PREX2: variants seen among roughly 807,000 people sequenced by gnomAD.
PREX2 encodes phosphatidylinositol-3,4,5-trisphosphate dependent Rac exchange factor 2.
PREX2 carries 107 observed loss-of-function variants against 203.2 expected under a neutral mutation model. That is an observed-to-expected ratio of 0.53 (90% CI 0.45 to 0.62). The LOEUF is 0.62. Among genes scored for constraint, PREX2 ranks in the 20% least tolerant of loss-of-function variants. The pLI, the probability that PREX2 is intolerant of heterozygous loss-of-function variation, is 0.00. For synonymous variants in PREX2, 672 were observed against 663.6 expected, an observed-to-expected ratio of 1.01 and a Z score of -0.19; for missense variants, 1,777 against 1,955.9, an observed-to-expected ratio of 0.91 and a Z score of 1.72.
intron 31 of PREX2, among the ~76,000 whole-genome samples, chr8:68,132,728 T>C (rs189007465): frequency 6.6e-6 from 1 of 152,216 alleles, no homozygotes; most frequent in Non-Finnish European, 1.5e-5. Context: ...TGCTTCTTTA[T>C]TCCAGAAGAG....
At chr8:68,185,838 A>T (rs1403397102) in intron 35 of PREX2, among the ~76,000 whole-genome samples, 1 of 148,562 alleles carries the variant, frequency 6.7e-6, no homozygotes, top group African/African-American at 2.5e-5. Context: ...TCTGCAGCCC[A>T]TATAAAATAG....
intron 39 of PREX2, among the ~76,000 whole-genome samples, chr8:68,228,084 T>A (rs1813087781): frequency 6.6e-6 from 1 of 152,196 alleles, no homozygotes. Flanking sequence ...AGAATGGGTA[T>A]GTGAGGAGGG....
chr8:68,177,730 A>C (rs1812008698), intron 35 of PREX2, among the ~76,000 whole-genome samples: 1 of 152,174 alleles, frequency 6.6e-6, no homozygotes, highest in Non-Finnish European at 1.5e-5. Context: ...AGATCATCCC[A>C]TCACCTAGGT....
At chr8:67,976,613 CAGAGACAGAGAGAGAGAGACGGGAG>C (rs1806107009) in intron 1 of PREX2, among the ~76,000 whole-genome samples, 10 of 76,028 alleles carry the variant, frequency 1.3e-4, no homozygotes, top group Admixed American at 1.1e-3. Flanking sequence ...GAGAGAGAGA[CAGAGACAGAGAGAGAGAGACGGGAG>C]AGAGACAGAG....
At chr8:68,082,981 G>C in intron 17 of PREX2, 1 of 330,000 alleles carries the variant, frequency 3.0e-6, no homozygotes, top group South Asian at 8.0e-5. Context: ...TAACAGAAGA[G>C]GGGAGTAGGA....
At position 68,053,263 on chromosome 8, in the gene PREX2, G is replaced by A. The variant is rs201352176; in HGVS notation, c.1093+17G>A. ...GGCGGAAAGGTGGGTGTATGAATTGGGCGCTGTTACACTTTGTGAAGACTC... is the reference window on the plus strand; with the variant it reads ...GGCGGAAAGGTGGGTGTATGAATTGAGCGCTGTTACACTTTGTGAAGACTC... On this transcript the variant is annotated intron_variant, in intron 9 of 39. Coordinates refer to ENST00000288368, the MANE Select transcript of PREX2 (RefSeq NM_024870.4). The A allele has an allele frequency of 6.2e-6, 10 of 1,612,584 alleles. No homozygotes were observed. The highest frequency in any genetic ancestry group is 8.5e-6 in the Non-Finnish European group (10 of 1,179,018).
chr8:68,171,589 A>G (rs1394686819), intron 35 of PREX2, among the ~76,000 whole-genome samples: 2 of 152,186 alleles, frequency 1.3e-5, no homozygotes, highest in Admixed American at 1.3e-4. Context: ...ACAGCATGAG[A>G]AAGTGAAGGG....
intron 13 of PREX2, 29 bp downstream of exon 13, chr8:68,069,913 C>A: frequency 7.6e-7 from 1 of 1,320,774 alleles, no homozygotes; most frequent in Non-Finnish European, 1.1e-6. Context: ...TTCTGGGAAA[C>A]TTAAATGGAA....
chr8:68,018,399 A>G (rs112693164), intron 2 of PREX2, among the ~76,000 whole-genome samples: 1,841 of 152,202 alleles, frequency 0.012, 27 homozygotes, highest in African/African-American at 0.037. Flanking sequence ...CCCAGGAAGC[A>G]GAGGTGTTGG....
intron 1 of PREX2, among the ~76,000 whole-genome samples, chr8:67,963,347 T>C (rs551590006): frequency 1.3e-5 from 2 of 152,318 alleles, no homozygotes; most frequent in East Asian, 1.9e-4. Context: ...ATATCTTTAT[T>C]ATTTCTTATT....
intron 1 of PREX2, among the ~76,000 whole-genome samples, chr8:68,005,089 G>C (rs1254111865): frequency 6.6e-6 from 1 of 152,142 alleles, no homozygotes; most frequent in Non-Finnish European, 1.5e-5. Context: ...GTATTGCTTT[G>C]ATAAGGTCCT....
intron 32 of PREX2, among the ~76,000 whole-genome samples, chr8:68,134,994 C>T (rs897680454): frequency 1.3e-5 from 2 of 152,024 alleles, no homozygotes; most frequent in Non-Finnish European, 1.5e-5. Flanking sequence ...GTTAGGTGAT[C>T]ACTGAATAGA....
At chr8:68,088,564 A>C (rs1385481695) in intron 19 of PREX2, among the ~76,000 whole-genome samples, 1 of 152,268 alleles carries the variant, frequency 6.6e-6, no homozygotes, top group East Asian at 1.9e-4. Context: ...AAATTTTAAG[A>C]GGGCATTTTT....
In PREX2 at chr8:68,222,457, T is replaced by G. The variant is rs1289575347; in HGVS notation, c.4708-2102T>G. ...AGCAAAAAAAAAAAAAAAATGTATATAAGTATTAGATTATAGCTCATGGAA... is the reference window on the plus strand; with the variant it reads ...AGCAAAAAAAAAAAAAAAATGTATAGAAGTATTAGATTATAGCTCATGGAA... On this transcript the variant is annotated intron_variant, in intron 38 of 39. Transcript: ENST00000288368. 2.7e-5 allele frequency among the ~76,000 whole-genome samples: 4 copies of G among 150,562 alleles called. No individual in the cohort carries two copies. In the South Asian group the frequency reaches 6.3e-4, roughly 24 times the overall value.
chr8:68,173,697 C>T (rs1811923911), intron 35 of PREX2, among the ~76,000 whole-genome samples: 1 of 151,890 alleles, frequency 6.6e-6, no homozygotes, highest in Non-Finnish European at 1.5e-5. Context: ...TGTGATAAGT[C>T]CTTCGTTGTG....
In PREX2 at chr8:68,060,739, C is replaced by T. The variant is rs1563523808; in HGVS notation, c.1299C>T (p.His433=). 1.9e-6 allele frequency: 3 copies of T among 1,612,738 alleles called. No individual in the cohort carries two copies. The highest frequency in any genetic ancestry group is 2.5e-6 in the Non-Finnish European group (3 of 1,179,372). Residue 433 remains histidine, a synonymous_variant, in exon 11 of 40, where the codon CAC becomes CAT. Transcript: ENST00000288368. ...GEIHRPEEGV[H]LGQALLENGI... ...TTCACAGGCCTGAGGAAGGCGTGCACTTGGGACAAGCATTATTAGAAAATG... is the reference window on the plus strand; with the variant it reads ...TTCACAGGCCTGAGGAAGGCGTGCATTTGGGACAAGCATTATTAGAAAATG...
At chr8:68,218,668 T>A (rs1274619539) in intron 38 of PREX2, among the ~76,000 whole-genome samples, 1 of 152,210 alleles carries the variant, frequency 6.6e-6, no homozygotes, top group Non-Finnish European at 1.5e-5. Context: ...CCTCTGGGCT[T>A]GCTCCCAAGA....
At chr8:68,134,019 A>G (rs763533177) in intron 31 of PREX2, 40 bp from the exon 32 acceptor site, 2 of 1,542,036 alleles carry the variant, frequency 1.3e-6, no homozygotes, top group Admixed American at 3.4e-5. Flanking sequence ...ACCATCTGCA[A>G]CATTTTTCGA....
intron 25 of PREX2, chr8:68,111,050 T>A (rs982072451): frequency 7.0e-6 from 2 of 284,092 alleles, no homozygotes; most frequent in Non-Finnish European, 1.4e-5. Flanking sequence ...TAGGATATGA[T>A]ATTTTACTTC....
Sources: gnomAD v4.1 joint callset for allele counts (sites outside exome capture counted in the v4.1 genomes callset) on GRCh38, gnomAD v4.1.1 for gene constraint, MANE v1.5 for transcripts, NCBI Gene and HGNC (gene_info 2026-07-23, HGNC 2026-07-21) for gene names.